The following IL3RA variants were observed in gnomAD, a reference collection of about 807,000 sequenced individuals.
The protein encoded by IL3RA is interleukin-3 receptor subunit alpha.
A neutral mutation model predicts 52.3 loss-of-function variants in IL3RA; 73 were observed. That is an observed-to-expected ratio of 1.40 (90% CI 1.16 to 1.70). IL3RA has a LOEUF of 1.70. Among genes scored for constraint, IL3RA ranks in the 40% most tolerant of loss-of-function variants. The pLI is 0.00. For synonymous variants in IL3RA, 260 were observed against 194.0 expected, an observed-to-expected ratio of 1.34 and a Z score of -2.83; for missense variants, 664 against 504.4, an observed-to-expected ratio of 1.32 and a Z score of -3.03.
chrX:1,357,257 G>A (rs2086804867), intron 7 of IL3RA, among the ~76,000 whole-genome samples: 1 of 151,088 alleles, frequency 6.6e-6, no homozygotes, highest in South Asian at 2.1e-4. Context: ...CGCAGCCTAT[G>A]TGTTATATTT....
chrX:1,380,344 C>A lies in IL3RA; in HGVS notation c.981-679C>A, dbSNP rs768669344. Among the ~76,000 whole-genome samples the A allele has an allele frequency of 2.2e-5, 3 of 137,334 alleles. No homozygotes were observed. In the South Asian group the frequency reaches 7.3e-4, roughly 34 times the overall value. 90.1% of individuals were successfully genotyped at this position (137,334 alleles called of 152,430 possible). A position where few individuals can be genotyped will look rare whatever the true frequency, so the allele number is the denominator to read the frequency against. On this transcript the variant is annotated intron_variant, in intron 10 of 11. Transcript: ENST00000331035. Reference sequence around the variant, plus strand: ...TGACCAGCCAGGCCCTGTTTCCTTCCTGCTGGGCATCAGAGCTTCACAATC... The same window carrying A: ...TGACCAGCCAGGCCCTGTTTCCTTCATGCTGGGCATCAGAGCTTCACAATC...
chrX:1,382,083 C>A (rs2092376411), intron 11 of IL3RA, among the ~76,000 whole-genome samples: 1 of 151,874 alleles, frequency 6.6e-6, no homozygotes, highest in Non-Finnish European at 1.5e-5. Context: ...TCCCAAGTAG[C>A]TGGGACTACA....
At chrX:1,367,877 G>A (rs1170032573) in intron 9 of IL3RA, among the ~76,000 whole-genome samples, 1 of 151,528 alleles carries the variant, frequency 6.6e-6, no homozygotes, top group African/African-American at 2.4e-5. Context: ...CAAAGGAGAG[G>A]AGATTCACTC....
At chrX:1,367,701 CGGGTGCGCGGGGTGAGCG>C (rs1569526903) in intron 9 of IL3RA, among the ~76,000 whole-genome samples, 509 of 35,068 alleles carry the variant, frequency 0.015, 2 homozygotes, top group Admixed American at 0.022. Flanking sequence ...CGGGGTGAGC[CGGGTGCGCGGGGTGAGCG>C]GGGTGCGCCG....
intron 3 of IL3RA, 42 bp from the exon 4 acceptor site, chrX:1,348,389 C>A: frequency 7.0e-7 from 1 of 1,438,414 alleles, no homozygotes; most frequent in Non-Finnish European, 9.8e-7. Context: ...TCAAATTAAG[C>A]ATGGTCTGTC....
At chrX:1,348,028 C>A (rs2085839880) in intron 3 of IL3RA, among the ~76,000 whole-genome samples, 1 of 93,854 alleles carries the variant, frequency 1.1e-5, no homozygotes, top group Non-Finnish European at 2.1e-5. Context: ...CAGAGCGAGA[C>A]TCCCTCTCAA....
At chrX:1,342,386 G>C (rs1182955349) in intron 2 of IL3RA, among the ~76,000 whole-genome samples, 3 of 151,864 alleles carry the variant, frequency 2.0e-5, no homozygotes, top group African/African-American at 4.8e-5. Flanking sequence ...GGCTGGTCTA[G>C]AACTGCTGAC....
Position 1,358,939 on chromosome X carries a change from TTTATTA to T in IL3RA, c.759+59_759+64del, listed in dbSNP as rs758737821. Reference sequence around the variant, plus strand: ...GTACTTGACATTGCAAAGGGTGAGTTTTATTATTATTAAGAATAAAATGATAAAAAA... The same window carrying T: ...GTACTTGACATTGCAAAGGGTGAGTTTTATTAAGAATAAAATGATAAAAAA... On this transcript the variant is annotated intron_variant, in intron 8 of 11. Coordinates refer to ENST00000331035, the MANE Select transcript of IL3RA (RefSeq NM_002183.4). The T allele has an allele frequency of 2.2e-5, 30 of 1,385,916 alleles. 1 individual carries two copies. The highest frequency in any genetic ancestry group is 1.9e-4 in the Middle Eastern group (1 of 5,314). 85.9% of individuals were successfully genotyped at this position (1,385,916 alleles called of 1,614,324 possible). A position where few individuals can be genotyped will look rare whatever the true frequency, so the allele number is the denominator to read the frequency against.
intron 10 of IL3RA, among the ~76,000 whole-genome samples, chrX:1,379,918 G>A (rs2089059047): frequency 6.6e-6 from 1 of 152,174 alleles, no homozygotes; most frequent in African/African-American, 2.4e-5. Context: ...GTGCCACCAC[G>A]CCTGGCTAAT....
intron 3 of IL3RA, among the ~76,000 whole-genome samples, chrX:1,347,841 C>G (rs751998947): frequency 6.7e-6 from 1 of 148,698 alleles, no homozygotes; most frequent in Non-Finnish European, 1.5e-5. Flanking sequence ...GATCGAGACC[C>G]TCCTGGCTAA....
chrX:1,368,109 A>T (rs1282253471), intron 9 of IL3RA, among the ~76,000 whole-genome samples: 1 of 152,016 alleles, frequency 6.6e-6, no homozygotes, highest in Non-Finnish European at 1.5e-5. Context: ...AATGTAACAA[A>T]TTAGCCAGGC....
rs1192531202 is a variant in IL3RA at position 1,358,841 on chromosome X, T to G, written c.733-20T>G. Reference sequence around the variant, plus strand: ...GGGACGGTCCAGACACTCAAAAGTTTGCTTGCTTTTGTGTTGCAGAGAATG... The same window carrying G: ...GGGACGGTCCAGACACTCAAAAGTTGGCTTGCTTTTGTGTTGCAGAGAATG... On this transcript the variant is annotated intron_variant, in intron 7 of 11. Coordinates refer to ENST00000331035, the MANE Select transcript of IL3RA (RefSeq NM_002183.4). The G allele has an allele frequency of 1.9e-6, 3 of 1,613,366 alleles. No individual in the cohort carries two copies. In the Admixed American group the frequency reaches 5.0e-5, roughly 27 times the overall value.
chrX:1,355,905 C>T (rs1487585873), intron 6 of IL3RA, among the ~76,000 whole-genome samples: 1 of 152,010 alleles, frequency 6.6e-6, no homozygotes, highest in Non-Finnish European at 1.5e-5. Context: ...AGATGTGCAG[C>T]TGCCAGTCCT....
In IL3RA at chrX:1,357,945, A is replaced by G. The variant is rs2086862711; in HGVS notation, c.733-916A>G. Among the ~76,000 whole-genome samples, 3 of 150,960 alleles carry G rather than the reference A, an allele frequency of 2.0e-5. No homozygotes were observed. The South Asian group carries it at 6.3e-4, about 32-fold the overall frequency. On this transcript the variant is annotated intron_variant, in intron 7 of 11. Coordinates refer to ENST00000331035, the MANE Select transcript of IL3RA (RefSeq NM_002183.4). Reference sequence around the variant, plus strand: ...GTAAAACCCCGTCTCTACTAAAAATACAAAAAAAAATTAGCTGGGCGTGGT... The same window carrying G: ...GTAAAACCCCGTCTCTACTAAAAATGCAAAAAAAAATTAGCTGGGCGTGGT...
intron 9 of IL3RA, among the ~76,000 whole-genome samples, chrX:1,376,657 TC>T (rs769819386): frequency 0.075 from 5,578 of 74,158 alleles, 1 homozygote; most frequent in Middle Eastern, 0.13. Context: ...AGACGGCGTC[TC>T]CAAGCCCAGG....
At chrX:1,340,084 C>T (rs2085431406) in intron 1 of IL3RA, among the ~76,000 whole-genome samples, 1 of 151,454 alleles carries the variant, frequency 6.6e-6, no homozygotes, top group Non-Finnish European at 1.5e-5. Flanking sequence ...ACGGGCTAAA[C>T]CCCCAGGGCA....
rs369108372 is a variant in IL3RA, at chrX:1,361,471, G to A, written c.759+2584G>A. Among the ~76,000 whole-genome samples, 593 of 152,254 alleles carry A rather than the reference G, an allele frequency of 3.9e-3. 3 individuals are homozygous for A. The highest frequency in any genetic ancestry group is 0.013 in the African/African-American group (526 of 41,554). On this transcript the variant is annotated intron_variant, in intron 8 of 11. Transcript: ENST00000331035. ...GCGGGCAAGACAGAATGAGACAGTC[G>A]CCGGGCGCAGTGACTCATGCCTGTA...
chrX:1,341,845 A>G lies in IL3RA; in HGVS notation c.64+16A>G, dbSNP rs1281192434. 5.0e-6 allele frequency: 8 copies of G among 1,613,532 alleles called. No individual in the cohort carries two copies. Among genetic ancestry groups the G allele is most frequent in the Non-Finnish European group, 6.8e-6 (8 of 1,179,640 alleles). ...ACGAAGGAAGGTAAGAACTGGAGAA[A>G]AAATGCACGTGCCACCTGGGGAGCG... On this transcript the variant is annotated intron_variant, in intron 2 of 11. Coordinates refer to ENST00000331035, the MANE Select transcript of IL3RA (RefSeq NM_002183.4).
intron 9 of IL3RA, among the ~76,000 whole-genome samples, chrX:1,368,383 G>A (rs1183552307): frequency 5.3e-5 from 8 of 151,982 alleles, no homozygotes; most frequent in Non-Finnish European, 1.0e-4. Context: ...TCAGGAGTTC[G>A]AGACCAGCCT....
Sources: allele counts gnomAD v4.1 joint callset (sites outside exome capture counted in the v4.1 genomes callset), GRCh38; gene constraint gnomAD v4.1.1; transcripts MANE v1.5; gene names NCBI Gene and HGNC (gene_info 2026-07-23, HGNC 2026-07-21).